PCDHA1: variants seen among roughly 807,000 people sequenced by gnomAD.
The protein encoded by PCDHA1 is protocadherin alpha-1.
PCDHA1 carries 42 observed loss-of-function variants against 61.3 expected under a neutral mutation model. The observed-to-expected ratio is 0.69, with a 90% CI of 0.54 to 0.89. The LOEUF (loss-of-function observed/expected upper bound fraction) is 0.89, where lower values mean the gene tolerates loss of function less well. Ranked by LOEUF, PCDHA1 falls within the 40% of genes least tolerant of loss-of-function variation. The pLI is 0.00. For synonymous variants in PCDHA1, 610 were observed against 553.8 expected (o/e 1.10, Z -1.43); for missense variants, 1,256 against 1,235.3 (o/e 1.02, Z -0.25).
intron 1 of PCDHA1, chr5:140,811,799 T>C (rs1554125817): frequency 6.6e-6 from 1 of 152,256 alleles, no homozygotes; most frequent in East Asian, 1.9e-4. Flanking sequence ...AAATGTCTTC[T>C]TTTGAGAAGT....
At chr5:140,829,405 C>G (rs17853692) in intron 1 of PCDHA1, 14 of 1,614,152 alleles carry the variant, frequency 8.7e-6, no homozygotes, top group South Asian at 4.4e-5. Flanking sequence ...TGTGGGCCAC[C>G]GCCAGCTTGT....
intron 2 of PCDHA1, among the ~76,000 whole-genome samples, chr5:140,981,353 C>A (rs551731316): frequency 6.6e-6 from 1 of 152,166 alleles, no homozygotes; most frequent in South Asian, 2.1e-4. Context: ...GCAGGTGGAT[C>A]ACTTGAGGTC....
intron 1 of PCDHA1, among the ~76,000 whole-genome samples, chr5:140,909,474 C>G (rs1554193804): frequency 6.6e-6 from 1 of 152,182 alleles, no homozygotes; most frequent in African/African-American, 2.4e-5. Context: ...TCTTCACAGG[C>G]TAAATAGGAG....
At chr5:140,916,321 C>T (rs1302078048) in intron 1 of PCDHA1, among the ~76,000 whole-genome samples, 1 of 152,160 alleles carries the variant, frequency 6.6e-6, no homozygotes, top group Non-Finnish European at 1.5e-5. Flanking sequence ...AGACAAAGTC[C>T]CCTTTACTTT....
At chr5:141,000,052 C>G (rs945182675) in intron 3 of PCDHA1, among the ~76,000 whole-genome samples, 2 of 152,100 alleles carry the variant, frequency 1.3e-5, no homozygotes, top group Admixed American at 1.3e-4. Flanking sequence ...CACCACTCTC[C>G]CAGCTGCTCT....
chr5:140,939,424 A>G lies in PCDHA1; in HGVS notation c.2395-39525A>G, dbSNP rs186047779. 5.0e-4 allele frequency among the ~76,000 whole-genome samples: 76 copies of G among 152,290 alleles called. 1 individual carries two copies. Among genetic ancestry groups the G allele is most frequent in the Admixed American group, 1.3e-4 (2 of 15,302 alleles). On this transcript the variant is annotated intron_variant, in intron 1 of 3. Coordinates refer to ENST00000504120, the MANE Select transcript of PCDHA1 (RefSeq NM_018900.4). ...GTGTAAATCAGCATTTTTTTCTTCC[A>G]TAAGCATTTGAAGAATTAAGAGTGA...
At position 140,909,749 on chromosome 5, in the gene PCDHA1, C is replaced by G. The variant is rs141984152; in HGVS notation, c.2395-69200C>G. On this transcript the variant is annotated intron_variant, in intron 1 of 3. Coordinates refer to ENST00000504120, the MANE Select transcript of PCDHA1 (RefSeq NM_018900.4). ...ATGCATTCTGGCACTGGGGAAATGA[C>G]CACAGGATGAGTCCAGGGACCCACT... 2.0e-3 allele frequency among the ~76,000 whole-genome samples: 298 copies of G among 152,232 alleles called. 1 individual carries two copies. Among genetic ancestry groups the G allele is most frequent in the African/African-American group, 6.9e-3 (285 of 41,526 alleles).
chr5:140,886,847 AG>A lies in PCDHA1; in HGVS notation c.2395-92101del, dbSNP rs1299329603. ...GTCTTGAAAAAAAAAAAAAAAAAAA[AG>A]AAAGGTCTTCCCAACTCCTATATTG... On this transcript the variant is annotated intron_variant, in intron 1 of 3. Transcript: ENST00000504120. Among the ~76,000 whole-genome samples the A allele has an allele frequency of 2.2e-3, 339 of 151,134 alleles. 4 individuals are homozygous for A. Among genetic ancestry groups the A allele is most frequent in the African/African-American group, 7.8e-3 (323 of 41,170 alleles).
chr5:140,938,979 C>T (rs1485638673), intron 1 of PCDHA1, among the ~76,000 whole-genome samples: 2 of 152,158 alleles, frequency 1.3e-5, no homozygotes, highest in Non-Finnish European at 2.9e-5. Flanking sequence ...TCAAGGCTAT[C>T]CTGGCTTTAT....
intron 1 of PCDHA1, chr5:140,796,415 C>A (rs782310227): frequency 6.2e-7 from 1 of 1,613,830 alleles, no homozygotes; most frequent in Non-Finnish European, 8.5e-7. Flanking sequence ...GATGCGGACG[C>A]GCAGGAGAAC....
At chr5:140,896,706 T>C (rs188797791) in intron 1 of PCDHA1, among the ~76,000 whole-genome samples, 169 of 152,248 alleles carry the variant, frequency 1.1e-3, no homozygotes, top group East Asian at 5.2e-3. Context: ...AGGTTGTTTG[T>C]TTTTTGCTTG....
intron 1 of PCDHA1, chr5:140,876,837 C>T (rs782753877): frequency 1.9e-6 from 3 of 1,614,148 alleles, no homozygotes; most frequent in Admixed American, 3.3e-5. Context: ...CGCCTGCGTT[C>T]GCGCAGCCCG....
chr5:140,976,812 G>A (rs2096732233), intron 1 of PCDHA1, among the ~76,000 whole-genome samples: 1 of 152,178 alleles, frequency 6.6e-6, no homozygotes, highest in Non-Finnish European at 1.5e-5. Flanking sequence ...CTGAAGATAT[G>A]CATGTGTCTA....
At chr5:140,978,485 A>G (rs992352505) in intron 1 of PCDHA1, among the ~76,000 whole-genome samples, 2 of 152,264 alleles carry the variant, frequency 1.3e-5, no homozygotes, top group Admixed American at 1.3e-4. Flanking sequence ...CAGTCTGCAA[A>G]GCCAGCAGCA....
chr5:140,879,875 C>T (rs1040496825), intron 1 of PCDHA1, among the ~76,000 whole-genome samples: 39 of 152,326 alleles, frequency 2.6e-4, no homozygotes, highest in African/African-American at 8.7e-4. Flanking sequence ...TTCATGGTCA[C>T]ATTGCCTCCT....
intron 1 of PCDHA1, among the ~76,000 whole-genome samples, chr5:140,925,244 G>A (rs1403438242): frequency 1.3e-5 from 2 of 152,070 alleles, no homozygotes; most frequent in African/African-American, 4.8e-5. Context: ...AATATGTCCT[G>A]GAAACTTTAA....
At chr5:140,923,104 A>AT (rs2081172107) in intron 1 of PCDHA1, among the ~76,000 whole-genome samples, 1 of 152,194 alleles carries the variant, frequency 6.6e-6, no homozygotes, top group Admixed American at 6.5e-5. Context: ...TGGGAGTATG[A>AT]TTTTAAGTTT....
At chr5:140,851,813 A>T (rs2042166057) in intron 1 of PCDHA1, 1 of 954,990 alleles carries the variant, frequency 1.0e-6, no homozygotes, top group Non-Finnish European at 1.3e-6. Context: ...AATCCATAAG[A>T]CAGAAATCTG....
chr5:140,862,586 C>G (rs2047435706), intron 1 of PCDHA1: 3 of 498,034 alleles, frequency 6.0e-6, no homozygotes, highest in Non-Finnish European at 1.2e-5. Flanking sequence ...TTCCAGCAGC[C>G]CGAGTACATG....
Sources: allele counts gnomAD v4.1 joint callset (sites outside exome capture counted in the v4.1 genomes callset), GRCh38; gene constraint gnomAD v4.1.1; transcripts MANE v1.5; gene names NCBI Gene and HGNC (gene_info 2026-07-23, HGNC 2026-07-21).